The following TM9SF4 variants were observed in gnomAD, a reference collection of about 807,000 sequenced individuals.
TM9SF4 encodes dinucleotide oxidase disulfide thiol exchanger 3 superfamily member 4.
A neutral mutation model predicts 90.4 loss-of-function variants in TM9SF4; 26 were observed. The observed-to-expected ratio is 0.29, with a 90% CI of 0.21 to 0.40. The LOEUF (loss-of-function observed/expected upper bound fraction) is 0.40. Among genes scored for constraint, TM9SF4 ranks in the 10% least tolerant of loss-of-function variants. The pLI, the probability that TM9SF4 is intolerant of heterozygous loss-of-function variation, is 1.00. For synonymous variants in TM9SF4, 293 were observed against 315.4 expected (o/e 0.93, Z 0.75); for missense variants, 549 against 834.8 (o/e 0.66, Z 4.22).
intron 12 of TM9SF4, among the ~76,000 whole-genome samples, chr20:32,153,852 G>A (rs2046878725): frequency 6.6e-6 from 1 of 152,214 alleles, no homozygotes; most frequent in African/African-American, 2.4e-5. Context: ...AGAATACACT[G>A]CAGTAGGTCA....
intron 9 of TM9SF4, 30 bp downstream of exon 9, chr20:32,146,885 G>A: frequency 6.2e-7 from 1 of 1,606,214 alleles, no homozygotes; most frequent in Non-Finnish European, 8.5e-7. Context: ...GAGGGATGAA[G>A]TTGGATGGGG....
intron 1 of TM9SF4, among the ~76,000 whole-genome samples, chr20:32,117,332 G>A (rs902711967): frequency 6.6e-6 from 1 of 151,956 alleles, no homozygotes; most frequent in Non-Finnish European, 1.5e-5. Flanking sequence ...CATGGAACAG[G>A]AACCAAAAAG....
In TM9SF4 at chr20:32,165,596, G is replaced by A. The variant is rs894888390; in HGVS notation, c.*152G>A. Reference sequence around the variant, plus strand: ...TGGATCCTGGGGCTGCGTGGGGGGCGGGAGGGCCTGTAGATAATCTTGCGT... The same window carrying A: ...TGGATCCTGGGGCTGCGTGGGGGGCAGGAGGGCCTGTAGATAATCTTGCGT... On this transcript the variant is annotated 3_prime_UTR_variant, in exon 18 of 18. Transcript: ENST00000398022. The A allele has an allele frequency of 5.8e-5, 50 of 862,084 alleles. No homozygotes were observed. Among genetic ancestry groups the A allele is most frequent in the Non-Finnish European group, 8.3e-5 (47 of 564,410 alleles). The allele number at this position is 862,084 out of a possible 1,614,324, so 53.4% of individuals were successfully genotyped here. A position where few individuals can be genotyped will look rare whatever the true frequency, so the allele number is the denominator to read the frequency against.
At chr20:32,150,598 C>G in intron 10 of TM9SF4, 24 bp from the exon 11 acceptor site, 2 of 1,613,902 alleles carry the variant, frequency 1.2e-6, no homozygotes, top group East Asian at 4.5e-5. Flanking sequence ...TTTCTCTGCC[C>G]TTCCTCCCTC....
intron 1 of TM9SF4, among the ~76,000 whole-genome samples, chr20:32,114,434 G>A (rs183038143): frequency 3.1e-4 from 47 of 152,290 alleles, no homozygotes; most frequent in African/African-American, 1.1e-3. Context: ...GGGCTCAGGC[G>A]ATCATCTTGC....
chr20:32,149,896 A>G (rs2046817196), intron 10 of TM9SF4, 130 bp downstream of exon 10: 1 of 1,320,796 alleles, frequency 7.6e-7, no homozygotes, highest in Non-Finnish European at 1.0e-6. Context: ...GCATGTCAGT[A>G]TCTCTGGGCC....
chr20:32,123,334 A>G lies in TM9SF4; in HGVS notation c.16-9679A>G, dbSNP rs2046364370. Among the ~76,000 whole-genome samples, 7 of 151,444 alleles carry G rather than the reference A, an allele frequency of 4.6e-5. No individual in the cohort carries two copies. The South Asian group carries it at 1.5e-3, about 32-fold the overall frequency. ...ATATATCACTAAATTACCCTCCCTA[A>G]AGACTGTACCAGTTTACCTACATCT... On this transcript the variant is annotated intron_variant, in intron 1 of 17. Transcript: ENST00000398022.
intron 1 of TM9SF4, among the ~76,000 whole-genome samples, chr20:32,125,112 G>A (rs1037376572): frequency 7.2e-5 from 11 of 152,106 alleles, no homozygotes; most frequent in Non-Finnish European, 1.5e-4. Flanking sequence ...TCAGCTCACG[G>A]TGACGGTTGC....
At chr20:32,163,804 T>A (rs1178206328) in intron 17 of TM9SF4, among the ~76,000 whole-genome samples, 1 of 151,644 alleles carries the variant, frequency 6.6e-6, no homozygotes, top group Non-Finnish European at 1.5e-5. Context: ...AGAGACAGGG[T>A]TTCTCCATGT....
In TM9SF4 at chr20:32,165,619, C is replaced by G. The variant is rs532779016; in HGVS notation, c.*175C>G. ...GCGGGAGGGCCTGTAGATAATCTTG[C>G]GTTTTTCGTCATCTTATTCCAGTTC... On this transcript the variant is annotated 3_prime_UTR_variant, in exon 18 of 18. Transcript: ENST00000398022. 1 of 703,384 alleles carries G rather than the reference C, an allele frequency of 1.4e-6. No individual in the cohort carries two copies. The highest frequency in any genetic ancestry group is 2.0e-5 in the South Asian group (1 of 50,376). 43.6% of individuals were successfully genotyped at this position (703,384 alleles called of 1,614,324 possible).
At chr20:32,145,467 T>C in intron 8 of TM9SF4, 44 bp downstream of exon 8, 1 of 1,560,264 alleles carries the variant, frequency 6.4e-7, no homozygotes, top group African/African-American at 1.4e-5. Context: ...GGGGTTGGGG[T>C]TGAGGGACTG....
Position 32,155,087 on chromosome 20 carries a change from G to T in TM9SF4, c.1246-16G>T. ...TCCCTGGATGCTGCTCCTCAACCCG[G>T]CCCCTCTTGCTCCAGACGGCAACTC... is the stretch of plus-strand genomic sequence containing the variant. On this transcript the variant is annotated splice_polypyrimidine_tract_variant and intron_variant, in intron 12 of 17. Coordinates refer to ENST00000398022, the MANE Select transcript of TM9SF4 (RefSeq NM_014742.4). The T allele has an allele frequency of 6.2e-7, 1 of 1,612,784 alleles. No individual in the cohort carries two copies. Among genetic ancestry groups the T allele is most frequent in the African/African-American group, 1.3e-5 (1 of 74,972 alleles).
intron 1 of TM9SF4, among the ~76,000 whole-genome samples, chr20:32,115,807 CTTTTT>C (rs386393622): frequency 1.1e-5 from 1 of 95,164 alleles, no homozygotes; most frequent in Non-Finnish European, 1.9e-5. Flanking sequence ...CCACTTTAAG[CTTTTT>C]TTTTTTTTTT....
chr20:32,120,221 T>C (rs1337904047), intron 1 of TM9SF4, among the ~76,000 whole-genome samples: 1 of 152,152 alleles, frequency 6.6e-6, no homozygotes, highest in African/African-American at 2.4e-5. Flanking sequence ...AATCTATAGA[T>C]CAATTTGGAG....
chr20:32,161,616 C>T (rs919738168), intron 17 of TM9SF4, among the ~76,000 whole-genome samples: 2 of 152,116 alleles, frequency 1.3e-5, no homozygotes, highest in African/African-American at 2.4e-5. Flanking sequence ...GTAAAACTTA[C>T]GAGGTATAGC....
At chr20:32,158,410 G>C in intron 14 of TM9SF4, 41 bp from the exon 15 acceptor site, 1 of 1,608,282 alleles carries the variant, frequency 6.2e-7, no homozygotes, top group African/African-American at 1.3e-5. Context: ...GCTTCCTGGT[G>C]GCCTGGTCTC....
At chr20:32,125,987 G>A (rs755213703) in intron 1 of TM9SF4, among the ~76,000 whole-genome samples, 2 of 151,022 alleles carry the variant, frequency 1.3e-5, no homozygotes, top group Middle Eastern at 3.2e-3. Flanking sequence ...TTCATTTATC[G>A]TTATTAGATG....
chr20:32,152,398 C>A (rs889867476), intron 12 of TM9SF4, among the ~76,000 whole-genome samples: 1 of 151,246 alleles, frequency 6.6e-6, no homozygotes, highest in Non-Finnish European at 1.5e-5. Flanking sequence ...TCCAGGCCCC[C>A]CAAGCCAGAA....
intron 17 of TM9SF4, among the ~76,000 whole-genome samples, chr20:32,162,290 A>C (rs1334302045): frequency 1.3e-5 from 2 of 152,194 alleles, no homozygotes; most frequent in Non-Finnish European, 2.9e-5. Context: ...CGTTTCCCAA[A>C]AACAGTCAAG....
Sources: allele counts gnomAD v4.1 joint callset (sites outside exome capture counted in the v4.1 genomes callset), GRCh38; gene constraint gnomAD v4.1.1; transcripts MANE v1.5; gene names NCBI Gene and HGNC (gene_info 2026-07-23, HGNC 2026-07-21).